The following CEP85L variants were observed in gnomAD, a reference collection of about 807,000 sequenced individuals.
CEP85L encodes centrosomal protein of 85 kDa-like.
CEP85L carries 60 observed loss-of-function variants against 100.3 expected under a neutral mutation model. The ratio of observed to expected loss-of-function variants is 0.60; its 90% CI spans 0.49 to 0.74. CEP85L has a LOEUF of 0.74. Among genes scored for constraint, CEP85L ranks in the 30% least tolerant of loss-of-function variants. CEP85L has a pLI of 0.00. For synonymous variants in CEP85L, 319 were observed against 322.7 expected, an observed-to-expected ratio of 0.99 and a Z score of 0.12; for missense variants, 973 against 936.2, an observed-to-expected ratio of 1.04 and a Z score of -0.51.
At chr6:118,488,433 CAGA>C (rs1345101478) in intron 6 of CEP85L, among the ~76,000 whole-genome samples, 2 of 151,342 alleles carry the variant, frequency 1.3e-5, no homozygotes, top group Admixed American at 1.3e-4. Flanking sequence ...CTAGATCAAG[CAGA>C]AGAAGAAATA....
intron 1 of CEP85L, among the ~76,000 whole-genome samples, chr6:118,676,304 C>A (rs1361846572): frequency 1.3e-5 from 2 of 152,054 alleles, no homozygotes; most frequent in African/African-American, 4.8e-5. Context: ...AACTATGTAC[C>A]CTTTGACCAA....
At chr6:118,683,576 G>C (rs1356915079) in intron 1 of CEP85L, among the ~76,000 whole-genome samples, 2 of 152,138 alleles carry the variant, frequency 1.3e-5, no homozygotes, top group African/African-American at 2.4e-5. Context: ...TCGCAGTGTG[G>C]TTTGACAAAG....
At chr6:118,526,096 G>A (rs556399409) in intron 3 of CEP85L, among the ~76,000 whole-genome samples, 1 of 152,174 alleles carries the variant, frequency 6.6e-6, no homozygotes, top group South Asian at 2.1e-4. Flanking sequence ...CAGATGGGAA[G>A]ATATTTCAAA....
chr6:118,616,313 C>T (rs975959696), intron 2 of CEP85L, among the ~76,000 whole-genome samples: 1 of 151,754 alleles, frequency 6.6e-6, no homozygotes, highest in African/African-American at 2.4e-5. Context: ...ATCACTTGAG[C>T]CCAGGAGTTC....
In CEP85L at chr6:118,637,692, C is replaced by G. The variant is rs1583207378; in HGVS notation, c.74-5081G>C. Among the ~76,000 whole-genome samples, 5 of 46,358 alleles carry G rather than the reference C, an allele frequency of 1.1e-4. No individual in the cohort carries two copies. In the South Asian group the frequency reaches 3.4e-3, roughly 32 times the overall value. The allele number at this position is 46,358 out of a possible 152,430, so 30.4% of individuals were successfully genotyped here. On this transcript the variant is annotated intron_variant, in intron 1 of 12. Coordinates refer to ENST00000368491, the MANE Select transcript of CEP85L (RefSeq NM_001042475.3). ...CTACACTCCAGCCTGGGTAATAAAG[C>G]AAGACTGTCTCAAAAAAAAAAAAAA...
intron 1 of CEP85L, chr6:118,647,177 C>T: frequency 2.1e-6 from 1 of 474,640 alleles, no homozygotes; most frequent in African/African-American, 2.1e-5. Context: ...CAGTTATTAC[C>T]ACTATCATTA....
chr6:118,601,696 C>T (rs542772637), intron 2 of CEP85L, among the ~76,000 whole-genome samples: 2 of 152,222 alleles, frequency 1.3e-5, no homozygotes, highest in Non-Finnish European at 2.9e-5. Flanking sequence ...TGATGATATG[C>T]TAAACAGGGG....
chr6:118,543,741 C>A (rs1323804183), intron 3 of CEP85L, among the ~76,000 whole-genome samples: 1 of 152,110 alleles, frequency 6.6e-6, no homozygotes, highest in East Asian at 1.9e-4. Context: ...TGGCAATGGA[C>A]AGATCAGGAA....
In CEP85L at chr6:118,464,842, G is replaced by C. The variant is rs1772405287; in HGVS notation, c.*563C>G. On this transcript the variant is annotated 3_prime_UTR_variant, in exon 13 of 13. Transcript: ENST00000368491. Reference sequence around the variant, plus strand: ...TGCAGTAAGTGTTCAAAATATAAATGGTTTTGCCTCCTGTACTACCATGAC... The same window carrying C: ...TGCAGTAAGTGTTCAAAATATAAATCGTTTTGCCTCCTGTACTACCATGAC... 1.3e-5 allele frequency: 2 copies of C among 152,072 alleles called. No homozygotes were observed. The highest frequency in any genetic ancestry group is 4.8e-5 in the African/African-American group (2 of 41,378). 9.4% of individuals were successfully genotyped at this position (152,072 alleles called of 1,614,324 possible). A position where few individuals can be genotyped will look rare whatever the true frequency, so the allele number is the denominator to read the frequency against.
intron 12 of CEP85L, among the ~76,000 whole-genome samples, chr6:118,468,451 C>T (rs553899539): frequency 7.2e-5 from 11 of 152,206 alleles, no homozygotes; most frequent in Admixed American, 3.9e-4. Flanking sequence ...CAGAGATGAG[C>T]GTTTCTGCAA....
chr6:118,535,450 A>C (rs1266674931), intron 3 of CEP85L, among the ~76,000 whole-genome samples: 2 of 152,216 alleles, frequency 1.3e-5, no homozygotes, highest in Non-Finnish European at 2.9e-5. Context: ...TAGTAAAATG[A>C]TCCTCATATA....
At chr6:118,567,235 GTGTGTGTGTGTGTGTATATATATATATA>G (rs1284261130) in intron 2 of CEP85L, among the ~76,000 whole-genome samples, 4,442 of 83,400 alleles carry the variant, frequency 0.053, 74 homozygotes, top group African/African-American at 0.068. Context: ...GTGTGTGTGT[GTGTGTGTGTGTGTGTATATATATATATA>G]TATATATATA....
Position 118,462,393 on chromosome 6 carries a change from A to G in CEP85L, c.*3012T>C, listed in dbSNP as rs187521021. On this transcript the variant is annotated 3_prime_UTR_variant, in exon 13 of 13. Transcript: ENST00000368491. ...TCTGAGCTCAAGTGAAAAGATAGCT[A>G]TTGTGCCTTTGATTCAGTGAATTTT... The G allele has an allele frequency of 5.5e-4, 83 of 152,114 alleles. No homozygotes were observed. Among genetic ancestry groups the G allele is most frequent in the African/African-American group, 1.9e-3 (81 of 41,548 alleles). The allele number at this position is 152,114 out of a possible 1,614,324, so 9.4% of individuals were successfully genotyped here. A position where few individuals can be genotyped will look rare whatever the true frequency, so the allele number is the denominator to read the frequency against.
chr6:118,619,037 G>C (rs1017759166), intron 2 of CEP85L, among the ~76,000 whole-genome samples: 1 of 152,164 alleles, frequency 6.6e-6, no homozygotes, highest in Non-Finnish European at 1.5e-5. Flanking sequence ...CTGGTAAATG[G>C]AAGGCTCAAG....
chr6:118,596,142 A>G (rs1583133769), intron 2 of CEP85L, among the ~76,000 whole-genome samples: 1 of 152,306 alleles, frequency 6.6e-6, no homozygotes, highest in African/African-American at 2.4e-5. Flanking sequence ...AAAAAAATGA[A>G]CATCTTATAG....
At chr6:118,517,082 C>T (rs751417202) in intron 4 of CEP85L, among the ~76,000 whole-genome samples, 7 of 152,100 alleles carry the variant, frequency 4.6e-5, no homozygotes, top group Non-Finnish European at 1.0e-4. Context: ...TTTCTGAGGC[C>T]TCTGTTCTGT....
chr6:118,481,162 C>T (rs12199190), intron 8 of CEP85L, among the ~76,000 whole-genome samples: 4,473 of 151,890 alleles, frequency 0.029, 108 homozygotes, highest in African/African-American at 0.056. Flanking sequence ...GAGCCAATCA[C>T]TTCAATTTGA....
At chr6:118,683,493 T>G (rs1176757910) in intron 1 of CEP85L, among the ~76,000 whole-genome samples, 1 of 152,318 alleles carries the variant, frequency 6.6e-6, no homozygotes, top group East Asian at 1.9e-4. Context: ...TATGGCAAAC[T>G]ACAACGAATC....
chr6:118,570,373 G>A (rs996312834), intron 2 of CEP85L, among the ~76,000 whole-genome samples: 7 of 152,108 alleles, frequency 4.6e-5, no homozygotes, highest in East Asian at 1.9e-4. Context: ...ATATCACAGC[G>A]GAATCCTCTA....
Sources: allele counts gnomAD v4.1 joint callset (sites outside exome capture counted in the v4.1 genomes callset), GRCh38; gene constraint gnomAD v4.1.1; transcripts MANE v1.5; gene names NCBI Gene and HGNC (gene_info 2026-07-23, HGNC 2026-07-21).